The following ALKBH5 variants were observed in gnomAD, a reference collection of about 807,000 sequenced individuals.
The protein encoded by ALKBH5 is alkB homolog 5, RNA demethylase.
ALKBH5 carries 2 observed loss-of-function variants against 32.1 expected under a neutral mutation model. The observed-to-expected ratio is 0.06, with a 90% CI of 0.03 to 0.20. The LOEUF (loss-of-function observed/expected upper bound fraction) is 0.20. ALKBH5 is among the 10% of genes least tolerant of loss of function. ALKBH5 has a pLI of 1.00. For missense variants in ALKBH5, 352 were observed against 559.5 expected (o/e 0.63, Z 3.74); for synonymous variants, 300 against 231.7 (o/e 1.29, Z -2.68).
chr17:18,187,319 A>G (rs916860390), intron 1 of ALKBH5, among the ~76,000 whole-genome samples: 7 of 149,906 alleles, frequency 4.7e-5, no homozygotes, highest in Non-Finnish European at 5.9e-5. Context: ...CATAGGTAAG[A>G]GGGGGTGGAT....
intron 1 of ALKBH5, among the ~76,000 whole-genome samples, chr17:18,189,107 G>T (rs1213266353): frequency 6.6e-6 from 1 of 152,102 alleles, no homozygotes; most frequent in Admixed American, 6.6e-5. Flanking sequence ...GCCGGGCGCG[G>T]TGGCTCACGC....
At chr17:18,195,249 T>G (rs957765558) in intron 2 of ALKBH5, among the ~76,000 whole-genome samples, 8 of 152,248 alleles carry the variant, frequency 5.3e-5, no homozygotes, top group Admixed American at 2.0e-4. Flanking sequence ...AGTTTAGGAC[T>G]GAGCAAAAGC....
At chr17:18,197,708 T>TG (rs1308877303) in intron 2 of ALKBH5, among the ~76,000 whole-genome samples, 1 of 152,204 alleles carries the variant, frequency 6.6e-6, no homozygotes, top group Non-Finnish European at 1.5e-5. Flanking sequence ...ATCAGCTCCC[T>TG]GGGAAGCTTT....
At chr17:18,191,752 G>A (rs994527237) in intron 1 of ALKBH5, among the ~76,000 whole-genome samples, 5 of 152,026 alleles carry the variant, frequency 3.3e-5, no homozygotes, top group Admixed American at 2.6e-4. Flanking sequence ...GGTGGATCAC[G>A]TGTGATCAGG....
At chr17:18,186,174 TGGTGGGAA>T (rs1385649333) in intron 1 of ALKBH5, among the ~76,000 whole-genome samples, 2 of 152,206 alleles carry the variant, frequency 1.3e-5, no homozygotes, top group African/African-American at 2.4e-5. Context: ...CAAGACGTCC[TGGTGGGAA>T]GGTGGGAAGT....
intron 2 of ALKBH5, among the ~76,000 whole-genome samples, chr17:18,196,480 C>G (rs2047205268): frequency 6.6e-6 from 1 of 152,186 alleles, no homozygotes; most frequent in Admixed American, 6.5e-5. Flanking sequence ...CTTGGCCTCC[C>G]AAAGTGCTGG....
At position 18,184,738 on chromosome 17, in the gene ALKBH5, C is replaced by T. The variant is rs1208106141; in HGVS notation, c.495C>T (p.Pro165=). 1 of 1,613,594 alleles carries T rather than the reference C, an allele frequency of 6.2e-7. No individual in the cohort carries two copies. ...CGCCGGGCGACGTGGACGAGATCCC[C>T]GAGTGGGTGCACCAGCTGGTGATCC... ...LYPPGDVDEI[P]EWVHQLVIQK... Residue 165 remains proline (P), a synonymous_variant, in exon 1 of 4, where the codon CCC becomes CCT. Coordinates refer to ENST00000399138, the MANE Select transcript of ALKBH5 (RefSeq NM_017758.4).
chr17:18,189,667 C>T (rs2047161914), intron 1 of ALKBH5, among the ~76,000 whole-genome samples: 1 of 152,218 alleles, frequency 6.6e-6, no homozygotes, highest in African/African-American at 2.4e-5. Context: ...CATTTTAACT[C>T]GTTGACTTCG....
intron 2 of ALKBH5, among the ~76,000 whole-genome samples, chr17:18,206,119 C>T (rs2047267619): frequency 6.6e-6 from 1 of 152,220 alleles, no homozygotes; most frequent in African/African-American, 2.4e-5. Context: ...CCATCCCCCT[C>T]TTCCTCATCT....
intron 1 of ALKBH5, among the ~76,000 whole-genome samples, chr17:18,192,829 G>A (rs1276621403): frequency 1.4e-5 from 2 of 147,572 alleles, no homozygotes; most frequent in Admixed American, 6.8e-5. Context: ...TGATTTCACT[G>A]TAGACATTCG....
chr17:18,185,916 A>T (rs854803), intron 1 of ALKBH5, among the ~76,000 whole-genome samples: 1 of 152,034 alleles, frequency 6.6e-6, no homozygotes, highest in East Asian at 1.9e-4. Context: ...TACCCAAAAC[A>T]TCTTAGGTTT....
intron 1 of ALKBH5, among the ~76,000 whole-genome samples, chr17:18,185,397 T>A (rs1435514230): frequency 2.8e-4 from 9 of 32,688 alleles, no homozygotes; most frequent in Admixed American, 4.6e-4. Context: ...GCTTTAAAAT[T>A]TTTTTTTTTT....
Position 18,208,847 on chromosome 17 carries a change from G to C in ALKBH5, c.*451G>C. 2 of 289,718 alleles carry C rather than the reference G, an allele frequency of 6.9e-6. No individual in the cohort carries two copies. Among genetic ancestry groups the C allele is most frequent in the Non-Finnish European group, 1.3e-5 (2 of 149,432 alleles). 17.9% of individuals were successfully genotyped at this position (289,718 alleles called of 1,614,324 possible). On this transcript the variant is annotated 3_prime_UTR_variant, in exon 4 of 4. Coordinates refer to ENST00000399138, the MANE Select transcript of ALKBH5 (RefSeq NM_017758.4). ...TTTCCCTCACTGATGTCTGCACTTG[G>C]TTGAGGTCTCCTGGAGCCTCACAGG... is the stretch of plus-strand genomic sequence containing the variant.
rs1223249251 is a variant in ALKBH5, at chr17:18,184,317, C to T, written c.74C>T (p.Ala25Val). The part of the protein sequence containing the change: ...KSMTSRDNYK[A>V]GSREAAAAAA... ...ATGACGTCCCGGGACAACTATAAGG[C>T]GGGCAGCCGGGAGGCCGCCGCCGCT... Residue 25 changes from alanine to valine, a missense_variant, in exon 1 of 4, where the codon GCG becomes GTG. Physicochemically the swap from Ala to Val is moderately conservative, Grantham distance 64 (BLOSUM62 0). Around this residue, in one of 4 missense-constraint regions of ALKBH5, gnomAD observed 144 missense variants for 125.8 expected, o/e 1.14. Coordinates refer to ENST00000399138, the MANE Select transcript of ALKBH5 (RefSeq NM_017758.4). 6.6e-7 allele frequency: 1 copy of T among 1,516,898 alleles called. No individual in the cohort carries two copies. 94.0% of individuals were successfully genotyped at this position (1,516,898 alleles called of 1,614,324 possible).
In ALKBH5 at chr17:18,203,100, A is replaced by G. The variant is rs1019486546; in HGVS notation, c.852-3715A>G. On this transcript the variant is annotated intron_variant, in intron 2 of 3. Coordinates refer to ENST00000399138, the MANE Select transcript of ALKBH5 (RefSeq NM_017758.4). ...AAAAAAAAAAAAAAAAAGAGTTTAA[A>G]TAGGGACAAGGTCTTACTTTGTTGC... Among the ~76,000 whole-genome samples, 3 of 151,698 alleles carry G rather than the reference A, an allele frequency of 2.0e-5. No individual in the cohort carries two copies. In the East Asian group the frequency reaches 5.8e-4, roughly 29 times the overall value.
rs528467894 is a variant in ALKBH5 at position 18,202,087 on chromosome 17, C to T, written c.852-4728C>T. Among the ~76,000 whole-genome samples the T allele has an allele frequency of 2.2e-4, 34 of 152,002 alleles. No individual in the cohort carries two copies. The East Asian group carries it at 3.3e-3, about 15-fold the overall frequency. ...CTTTGGGAGGCTGAGGCGGGCGGAT[C>T]GTGAGGTCAGGAGATCGAGACCATC... On this transcript the variant is annotated intron_variant, in intron 2 of 3. Coordinates refer to ENST00000399138, the MANE Select transcript of ALKBH5 (RefSeq NM_017758.4).
chr17:18,192,854 CTTTT>C (rs201150139), intron 1 of ALKBH5, among the ~76,000 whole-genome samples: 2 of 115,584 alleles, frequency 1.7e-5, no homozygotes, highest in African/African-American at 3.8e-5. Flanking sequence ...CTGTCTTTTT[CTTTT>C]TTTTTTTTTT....
Position 18,191,518 on chromosome 17 carries a change from G to A in ALKBH5, c.771-3437G>A, listed in dbSNP as rs2047174874. The stretch of plus-strand genomic sequence containing the variant: ...GCAGTCAAGCTTTGACAAACATCTG[G>A]ATTTGCTCCAGAACTGCATTAAGAA... On this transcript the variant is annotated intron_variant, in intron 1 of 3. Transcript: ENST00000399138. Among the ~76,000 whole-genome samples the A allele has an allele frequency of 2.0e-5, 3 of 152,198 alleles. No homozygotes were observed. In the South Asian group the frequency reaches 6.2e-4, roughly 31 times the overall value.
At position 18,184,798 on chromosome 17, in the gene ALKBH5, C is replaced by T. The variant is rs774693550; in HGVS notation, c.555C>T (p.Gly185=). Residue 185 remains glycine, a synonymous_variant, in exon 1 of 4, where the codon GGC becomes GGT. Coordinates refer to ENST00000399138, the MANE Select transcript of ALKBH5 (RefSeq NM_017758.4). ...TGGAGCACCGCGTCATCCCCGAGGG[C>T]TTCGTCAACAGCGCCGTCATCAACG... is the stretch of plus-strand genomic sequence containing the variant. ...KLVEHRVIPE[G]FVNSAVINDY... is the part of the protein sequence containing the mutation. The T allele has an allele frequency of 7.4e-6, 12 of 1,613,996 alleles. No individual in the cohort carries two copies. The highest frequency in any genetic ancestry group is 9.3e-6 in the Non-Finnish European group (11 of 1,180,016).
Sources: allele counts gnomAD v4.1 joint callset (sites outside exome capture counted in the v4.1 genomes callset), GRCh38; gene constraint gnomAD v4.1.1; regional missense constraint gnomAD v4.1.1; transcripts MANE v1.5; gene names NCBI Gene and HGNC (gene_info 2026-07-23, HGNC 2026-07-21).